FAF1: variants seen among roughly 807,000 people sequenced by gnomAD.
FAF1 encodes Fas associated factor 1.
Under a neutral mutation model 92.5 loss-of-function variants are expected in FAF1, and 25 were observed. That is an observed-to-expected ratio of 0.27 (90% CI 0.20 to 0.38). The LOEUF is 0.38. FAF1 is among the 10% of genes least tolerant of loss of function. FAF1 has a pLI of 1.00. For synonymous variants in FAF1, 234 were observed against 273.2 expected (o/e 0.86, Z 1.42); for missense variants, 636 against 793.3 (o/e 0.80, Z 2.38).
chr1:50,930,321 C>A (rs973330406), intron 1 of FAF1, among the ~76,000 whole-genome samples: 1 of 152,128 alleles, frequency 6.6e-6, no homozygotes, highest in Non-Finnish European at 1.5e-5. Context: ...TGTGTTTATA[C>A]AGCAGCAAAG....
At chr1:50,875,446 T>C (rs1330794926) in intron 1 of FAF1, among the ~76,000 whole-genome samples, 1 of 152,012 alleles carries the variant, frequency 6.6e-6, no homozygotes, top group Non-Finnish European at 1.5e-5. Flanking sequence ...ATATGATACA[T>C]ATATTCTTTT....
chr1:50,494,576 C>G (rs1027286082), intron 15 of FAF1, among the ~76,000 whole-genome samples: 2 of 152,214 alleles, frequency 1.3e-5, no homozygotes, highest in East Asian at 1.9e-4. Context: ...AAGTGAGAAG[C>G]TGGATTGCTC....
chr1:50,819,764 C>CGTATATATATAT (rs1644023143), intron 2 of FAF1, among the ~76,000 whole-genome samples: 1 of 16,682 alleles, frequency 6.0e-5, no homozygotes, highest in Non-Finnish European at 1.2e-4. Flanking sequence ...TATATATATA[C>CGTATATATATAT]GTATATATAT....
chr1:50,466,535 G>A (rs1204400658), intron 18 of FAF1, among the ~76,000 whole-genome samples: 2 of 152,180 alleles, frequency 1.3e-5, no homozygotes, highest in Admixed American at 6.5e-5. Context: ...CACAAGACTG[G>A]ATGAGAGCGC....
chr1:50,850,644 T>A (rs1207156980), intron 2 of FAF1, among the ~76,000 whole-genome samples: 1 of 151,880 alleles, frequency 6.6e-6, no homozygotes, highest in African/African-American at 2.4e-5. Flanking sequence ...TCCAAAAACA[T>A]CTTATTAAAA....
intron 17 of FAF1, among the ~76,000 whole-genome samples, chr1:50,484,589 G>T (rs1363518390): frequency 6.6e-6 from 1 of 152,084 alleles, no homozygotes; most frequent in African/African-American, 2.4e-5. Flanking sequence ...GTGCGATAGT[G>T]GTGATAATGC....
intron 2 of FAF1, among the ~76,000 whole-genome samples, chr1:50,836,170 G>GTTTTTTTTTTTTTTTTTTTTTTTTTTTTT (rs36053491): frequency 4.1e-5 from 4 of 98,524 alleles, no homozygotes; most frequent in African/African-American, 4.3e-5. Flanking sequence ...TTTTGTTTCT[G>GTTTTTTTTTTTTTTTTTTTTTTTTTTTTT]TTTTTTTTTT....
chr1:50,554,003 T>C (rs976055501), intron 13 of FAF1, among the ~76,000 whole-genome samples: 2 of 151,762 alleles, frequency 1.3e-5, no homozygotes, highest in Non-Finnish European at 2.9e-5. Context: ...AAAAAAGGCC[T>C]GGGTGGCTGC....
At chr1:50,923,953 A>G (rs1010576033) in intron 1 of FAF1, among the ~76,000 whole-genome samples, 23 of 152,224 alleles carry the variant, frequency 1.5e-4, no homozygotes, top group African/African-American at 5.1e-4. Context: ...TGACATACCC[A>G]CAGCTAGCAT....
chr1:50,943,207 T>C (rs560269996), intron 1 of FAF1, among the ~76,000 whole-genome samples: 2 of 152,264 alleles, frequency 1.3e-5, no homozygotes, highest in South Asian at 2.1e-4. Flanking sequence ...ATCTGATCAA[T>C]TGGTATCATA....
chr1:50,534,017 C>T (rs938091533), intron 15 of FAF1, among the ~76,000 whole-genome samples: 1 of 152,106 alleles, frequency 6.6e-6, no homozygotes. Context: ...CCATTTACCC[C>T]CTCAGGATCC....
chr1:50,666,971 C>T (rs1655668750), intron 7 of FAF1, among the ~76,000 whole-genome samples: 1 of 152,246 alleles, frequency 6.6e-6, no homozygotes, highest in South Asian at 2.1e-4. Context: ...AGCCTTTCCA[C>T]AGCTGCTGTG....
intron 8 of FAF1, among the ~76,000 whole-genome samples, chr1:50,597,569 T>G (rs1306355133): frequency 1.3e-5 from 2 of 152,158 alleles, no homozygotes; most frequent in Non-Finnish European, 2.9e-5. Context: ...TCCAATTAAA[T>G]AATTTGACAA....
intron 7 of FAF1, among the ~76,000 whole-genome samples, chr1:50,701,993 T>C (rs1657494321): frequency 6.6e-6 from 1 of 152,106 alleles, no homozygotes; most frequent in South Asian, 2.1e-4. Context: ...TAATACTCCA[T>C]AATTCTGCAC....
intron 7 of FAF1, among the ~76,000 whole-genome samples, chr1:50,699,063 T>C (rs1657355206): frequency 6.6e-6 from 1 of 152,074 alleles, no homozygotes; most frequent in South Asian, 2.1e-4. Context: ...GTTGTATTCT[T>C]TGATAATAGC....
At chr1:50,474,124 T>C (rs556213747) in intron 18 of FAF1, among the ~76,000 whole-genome samples, 27 of 152,252 alleles carry the variant, frequency 1.8e-4, no homozygotes, top group Non-Finnish European at 3.2e-4. Flanking sequence ...AAATGCTTTG[T>C]TACACTATGC....
At chr1:50,738,992 T>C (rs965507454) in intron 5 of FAF1, 38 bp from the exon 6 acceptor site, 2 of 1,214,298 alleles carry the variant, frequency 1.6e-6, no homozygotes, top group African/African-American at 1.5e-5. Flanking sequence ...TGAATGTTGA[T>C]GTTGATTATT....
chr1:50,797,834 C>T (rs1661820702), intron 3 of FAF1, among the ~76,000 whole-genome samples: 1 of 152,084 alleles, frequency 6.6e-6, no homozygotes, highest in South Asian at 2.1e-4. Context: ...CATAGCAAGA[C>T]CTTAAAAATA....
chr1:50,890,303 G>C (rs943917312), intron 1 of FAF1, among the ~76,000 whole-genome samples: 1 of 152,094 alleles, frequency 6.6e-6, no homozygotes, highest in Non-Finnish European at 1.5e-5. Context: ...GATGGATCTT[G>C]ACTCTTTATC....
Sources: gnomAD v4.1 joint callset for allele counts (sites outside exome capture counted in the v4.1 genomes callset) on GRCh38, gnomAD v4.1.1 for gene constraint, MANE v1.5 for transcripts, NCBI Gene and HGNC (gene_info 2026-07-23, HGNC 2026-07-21) for gene names.